UST: variants seen among roughly 807,000 people sequenced by gnomAD.
UST encodes the protein chondroitin sulfate 2-O-sulfotransferase.
Under a neutral mutation model 45.6 loss-of-function variants are expected in UST, and 21 were observed. That is an observed-to-expected ratio of 0.46 (90% CI 0.33 to 0.66). UST has a LOEUF of 0.66. UST is among the 30% of genes least tolerant of loss of function. The pLI is 0.02. For missense variants in UST, 463 were observed against 512.4 expected, an observed-to-expected ratio of 0.90 and a Z score of 0.93; for synonymous variants, 215 against 200.6, an observed-to-expected ratio of 1.07 and a Z score of -0.61.
At chr6:148,914,941 G>A (rs553905881) in intron 2 of UST, among the ~76,000 whole-genome samples, 251 of 150,402 alleles carry the variant, frequency 1.7e-3, no homozygotes, top group Non-Finnish European at 3.0e-3. Flanking sequence ...CAGTTCTGGA[G>A]GGTGGAAGGT....
intron 1 of UST, among the ~76,000 whole-genome samples, chr6:148,825,341 AG>A (rs1289716916): frequency 6.6e-6 from 1 of 152,226 alleles, no homozygotes; most frequent in African/African-American, 2.4e-5. Flanking sequence ...TGGCAAAGAT[AG>A]GAACACAGGT....
chr6:148,779,210 C>T (rs999623461), intron 1 of UST, among the ~76,000 whole-genome samples: 2 of 151,934 alleles, frequency 1.3e-5, no homozygotes, highest in Non-Finnish European at 2.9e-5. Flanking sequence ...GTTGACTCAG[C>T]ACTTCTGTCT....
At chr6:148,749,251 C>T (rs1775943445) in intron 1 of UST, among the ~76,000 whole-genome samples, 2 of 152,288 alleles carry the variant, frequency 1.3e-5, no homozygotes, top group South Asian at 2.1e-4. Context: ...ATAGCTTCCT[C>T]CACTCTCTGA....
intron 1 of UST, among the ~76,000 whole-genome samples, chr6:148,774,942 T>A (rs1776502239): frequency 6.6e-6 from 1 of 151,932 alleles, no homozygotes; most frequent in African/African-American, 2.4e-5. Flanking sequence ...CACTTGAACC[T>A]GGGATGCGGG....
At chr6:149,046,919 G>T (rs572745043) in intron 7 of UST, among the ~76,000 whole-genome samples, 2 of 152,316 alleles carry the variant, frequency 1.3e-5, no homozygotes, top group South Asian at 4.1e-4. Flanking sequence ...TTTTCTGGTG[G>T]CAGTAGAATT....
intron 1 of UST, among the ~76,000 whole-genome samples, chr6:148,872,382 G>T (rs1031277876): frequency 6.6e-6 from 1 of 151,370 alleles, no homozygotes; most frequent in Admixed American, 6.6e-5. Context: ...TATTAGGGAA[G>T]ATATTAAATT....
intron 6 of UST, among the ~76,000 whole-genome samples, chr6:149,020,256 G>A (rs1245268975): frequency 6.6e-6 from 1 of 152,174 alleles, no homozygotes; most frequent in East Asian, 1.9e-4. Flanking sequence ...AGAACTAGGA[G>A]TGTTGGTTTT....
Position 149,054,664 on chromosome 6 carries a change from C to T in UST, c.938-19169C>T, listed in dbSNP as rs9373586. 2.2e-4 allele frequency among the ~76,000 whole-genome samples: 33 copies of T among 152,252 alleles called. No individual in the cohort carries two copies. In the East Asian group the frequency reaches 5.8e-3, roughly 27 times the overall value. ...AGACAAGAGTGAGGTGAAGCACCAC[C>T]GTGGACCAGAAAAAGGCTTGAAATT... On this transcript the variant is annotated intron_variant, in intron 7 of 7. Transcript: ENST00000367463.
chr6:149,057,964 T>C (rs1428189371), intron 7 of UST, among the ~76,000 whole-genome samples: 2 of 152,232 alleles, frequency 1.3e-5, no homozygotes, highest in Non-Finnish European at 2.9e-5. Flanking sequence ...GGTAAGTATA[T>C]ACATATATCT....
intron 1 of UST, among the ~76,000 whole-genome samples, chr6:148,801,897 T>A (rs1302084864): frequency 6.6e-6 from 1 of 152,206 alleles, no homozygotes; most frequent in African/African-American, 2.4e-5. Flanking sequence ...GAAGTTGAAG[T>A]TTGAAGATTT....
chr6:149,039,202 G>A (rs1776276743), intron 7 of UST, among the ~76,000 whole-genome samples: 1 of 152,120 alleles, frequency 6.6e-6, no homozygotes, highest in Non-Finnish European at 1.5e-5. Flanking sequence ...ACTATGCGCT[G>A]TGATGTATAT....
intron 1 of UST, among the ~76,000 whole-genome samples, chr6:148,812,284 A>T (rs1777274128): frequency 6.6e-6 from 1 of 152,202 alleles, no homozygotes; most frequent in African/African-American, 2.4e-5. Context: ...TTTTAACAAT[A>T]TCCATGAGTT....
At chr6:148,820,663 A>G (rs1431201394) in intron 1 of UST, among the ~76,000 whole-genome samples, 2 of 151,966 alleles carry the variant, frequency 1.3e-5, no homozygotes, top group Non-Finnish European at 2.9e-5. Context: ...ATCCTGGCTA[A>G]CACGATGAAA....
intron 5 of UST, among the ~76,000 whole-genome samples, chr6:148,975,242 C>A (rs1229478063): frequency 1.3e-5 from 2 of 152,122 alleles, no homozygotes; most frequent in African/African-American, 4.8e-5. Flanking sequence ...GCTTTTTAAA[C>A]CCTTCAAATT....
At chr6:148,965,065 C>A in intron 5 of UST, among the ~76,000 whole-genome samples, 1 of 152,254 alleles carries the variant, frequency 6.6e-6, no homozygotes, top group Middle Eastern at 3.4e-3. Context: ...CCGACTGTTT[C>A]GGGTTTCCTG....
chr6:149,020,729 G>A (rs1248057117), intron 6 of UST, among the ~76,000 whole-genome samples: 1 of 152,206 alleles, frequency 6.6e-6, no homozygotes, highest in Non-Finnish European at 1.5e-5. Flanking sequence ...CTTAGTGTCA[G>A]TTCAGAGAGC....
At chr6:148,866,100 C>T (rs574028725) in intron 1 of UST, among the ~76,000 whole-genome samples, 4 of 142,906 alleles carry the variant, frequency 2.8e-5, no homozygotes, top group African/African-American at 1.0e-4. Flanking sequence ...TAAATTCTTC[C>T]CTGCTTTTTT....
At chr6:148,836,025 G>A (rs1299292989) in intron 1 of UST, among the ~76,000 whole-genome samples, 4 of 152,124 alleles carry the variant, frequency 2.6e-5, no homozygotes, top group Non-Finnish European at 4.4e-5. Context: ...ACAGGTCTGG[G>A]TGGTGGTGAC....
In UST at chr6:148,993,956, C is replaced by CTTTTTTTTT. The variant is rs57552256; in HGVS notation, c.682-25163_682-25155dup. Reference sequence around the variant, plus strand: ...TTACCCAGTCTTGAATATTTCTTTCCTTTTTTTTTTTTTTTTTTTTTTTTT... The same window carrying CTTTTTTTTT: ...TTACCCAGTCTTGAATATTTCTTTCCTTTTTTTTTTTTTTTTTTTTTTTTTTTTTTTTTT... On this transcript the variant is annotated intron_variant, in intron 5 of 7. Transcript: ENST00000367463. Among the ~76,000 whole-genome samples the CTTTTTTTTT allele has an allele frequency of 3.4e-4, 32 of 95,362 alleles. 2 individuals carry two copies. Among genetic ancestry groups the CTTTTTTTTT allele is most frequent in the African/African-American group, 9.1e-4 (20 of 21,860 alleles). The allele number at this position is 95,362 out of a possible 152,430, so 62.6% of individuals were successfully genotyped here. A position where few individuals can be genotyped will look rare whatever the true frequency, so the allele number is the denominator to read the frequency against.
Sources: allele counts gnomAD v4.1 joint callset (sites outside exome capture counted in the v4.1 genomes callset), GRCh38; gene constraint gnomAD v4.1.1; transcripts MANE v1.5; gene names NCBI Gene and HGNC (gene_info 2026-07-23, HGNC 2026-07-21).